The following PGLYRP1 variants were observed in gnomAD, a reference collection of about 807,000 sequenced individuals.
PGLYRP1 encodes the protein peptidoglycan recognition protein 1.
A neutral mutation model predicts 16.3 loss-of-function variants in PGLYRP1; 18 were observed. That is an observed-to-expected ratio of 1.11 (90% CI 0.77 to 1.64). The LOEUF is 1.64. Among genes scored for constraint, PGLYRP1 ranks in the 40% most tolerant of loss-of-function variants. The probability of loss-of-function intolerance (pLI) is 0.00; values close to 1 mark genes in which losing one functional copy is unlikely to be tolerated. For missense variants in PGLYRP1, 261 were observed against 268.6 expected, an observed-to-expected ratio of 0.97 and a Z score of 0.20; for synonymous variants, 89 against 105.7, an observed-to-expected ratio of 0.84 and a Z score of 0.97.
chr19:46,022,270 C>T (rs1290886186), intron 1 of PGLYRP1, among the ~76,000 whole-genome samples: 2 of 152,164 alleles, frequency 1.3e-5, no homozygotes, highest in Non-Finnish European at 1.5e-5. Flanking sequence ...GCAGATGGGC[C>T]GCGATTCCAT....
intron 1 of PGLYRP1, among the ~76,000 whole-genome samples, chr19:46,021,708 C>T (rs1274996748): frequency 6.6e-6 from 1 of 152,168 alleles, no homozygotes; most frequent in Non-Finnish European, 1.5e-5. Context: ...CCCTGCTCTG[C>T]GGGGGGAAGC....
At position 46,019,227 on chromosome 19, in the gene PGLYRP1, TCAG is replaced by T; in HGVS notation, c.*8_*10del. The T allele has an allele frequency of 1.2e-6, 2 of 1,612,764 alleles. No homozygotes were observed. Among genetic ancestry groups the T allele is most frequent in the Non-Finnish European group, 8.5e-7 (1 of 1,179,184 alleles). On this transcript the variant is annotated 3_prime_UTR_variant, in exon 3 of 3. Coordinates refer to ENST00000008938, the MANE Select transcript of PGLYRP1 (RefSeq NM_005091.3). This position sits in a 1 kb window ranked among gnomAD's most constrained non-coding sequence, Gnocchi z 4.8. ...TGGGAGGGGAGGAATGGGGTGCGGA[TCAG>T]CAGGGCCTCAGGGGGAGCGGTAGTG...
At chr19:46,022,002 C>T (rs1473291031) in intron 1 of PGLYRP1, among the ~76,000 whole-genome samples, 1 of 152,200 alleles carries the variant, frequency 6.6e-6, no homozygotes, top group East Asian at 1.9e-4. Flanking sequence ...GGTCTGGTCC[C>T]AGCCTGAGGT....
chr19:46,022,353 C>G (rs1969053515), intron 1 of PGLYRP1, among the ~76,000 whole-genome samples: 1 of 152,228 alleles, frequency 6.6e-6, no homozygotes, highest in Non-Finnish European at 1.5e-5. Context: ...GATGAGCTGA[C>G]CCTGGAACCC....
At chr19:46,022,615 G>T (rs1411342341) in intron 1 of PGLYRP1, 120 bp downstream of exon 1, 1 of 1,135,378 alleles carries the variant, frequency 8.8e-7, no homozygotes, top group Non-Finnish European at 1.3e-6. Context: ...TCAGTAAGCT[G>T]CTCAGGGTGT....
At chr19:46,021,995 C>T (rs1048167741) in intron 1 of PGLYRP1, among the ~76,000 whole-genome samples, 1 of 152,188 alleles carries the variant, frequency 6.6e-6, no homozygotes, top group African/African-American at 2.4e-5. Context: ...CTGTGTGGGT[C>T]TGGTCCCAGC....
chr19:46,019,859 C>A lies in PGLYRP1; in HGVS notation c.288-212G>T, dbSNP rs768666696. Among the ~76,000 whole-genome samples the A allele has an allele frequency of 6.6e-6, 1 of 152,194 alleles. No individual in the cohort carries two copies. ...GTGCCAAGCACAGCTCTGCATACAC[C>A]TTTTTCCATCCTCACAGCAACCCTG... is the stretch of plus-strand genomic sequence containing the variant. On this transcript the variant is annotated intron_variant, in intron 1 of 2. Transcript: ENST00000008938. The surrounding 1 kb of genome is among the most constrained non-coding windows in gnomAD (Gnocchi z 4.8).
chr19:46,023,003 G>C lies in PGLYRP1; in HGVS notation c.19C>G (p.Leu7Val). 1 of 1,565,146 alleles carries C rather than the reference G, an allele frequency of 6.4e-7. No homozygotes were observed. Among genetic ancestry groups the C allele is most frequent in the Non-Finnish European group, 8.7e-7 (1 of 1,154,722 alleles). Residue 7 changes from leucine to valine, a missense_variant, in exon 1 of 3, where the codon CTG becomes GTG. Transcript: ENST00000008938. MSRRSM[L>V]LAWALPSLLR... Reference sequence around the variant, plus strand: ...AGGCTGGGGAGAGCCCAGGCAAGCAGCATAGAGCGGCGGGACATAGTGGCA... The same window carrying C: ...AGGCTGGGGAGAGCCCAGGCAAGCACCATAGAGCGGCGGGACATAGTGGCA...
At position 46,022,760 on chromosome 19, in the gene PGLYRP1, G is replaced by GTGTC; in HGVS notation, c.258_261dup (p.Leu88AspfsTer115). On this transcript the variant is annotated frameshift_variant, in exon 1 of 3. Transcript: ENST00000008938. LOFTEE classifies it high-confidence loss of function. Reference sequence around the variant, plus strand: ...TTGTAGCCCACGTCGCACCAGCCCAGTGTCTTCATGTGGTAGTGCTGCACA... The same window carrying GTGTC: ...TTGTAGCCCACGTCGCACCAGCCCAGTGTCTGTCTTCATGTGGTAGTGCTGCACA... 11 of 1,614,228 alleles carry GTGTC rather than the reference G, an allele frequency of 6.8e-6. No homozygotes were observed. The highest frequency in any genetic ancestry group is 8.5e-6 in the Non-Finnish European group (10 of 1,180,032).
chr19:46,019,538 C>T lies in PGLYRP1; in HGVS notation c.397G>A (p.Gly133Ser), dbSNP rs554462229. The T allele has an allele frequency of 1.2e-6, 2 of 1,614,020 alleles. No individual in the cohort carries two copies. Among genetic ancestry groups the T allele is most frequent in the Non-Finnish European group, 1.7e-6 (2 of 1,179,954 alleles). ...GACAGTCACTCACCCATGTAGTTGCCCATGAAGCTGATGCCAATGGACATG... is the reference window on the plus strand; with the variant it reads ...GACAGTCACTCACCCATGTAGTTGCTCATGAAGCTGATGCCAATGGACATG... ...NPMSIGISFM[G>S]NYMDRVPTPQ... The change falls in exon 2 of 3, where the codon GGC (glycine) becomes AGC (serine). Residue 133 changes from glycine to serine, a missense_variant. Gly to Ser is a moderately conservative substitution (Grantham distance 56). Transcript: ENST00000008938. The surrounding 1 kb of genome is among the most constrained non-coding windows in gnomAD (Gnocchi z 4.8).
At position 46,019,184 on chromosome 19, in the gene PGLYRP1, C is replaced by A; in HGVS notation, c.*54G>T. 6.7e-7 allele frequency: 1 copy of A among 1,482,684 alleles called. No individual in the cohort carries two copies. Among genetic ancestry groups the A allele is most frequent in the Non-Finnish European group, 9.4e-7 (1 of 1,062,736 alleles). 91.8% of individuals were successfully genotyped at this position (1,482,684 alleles called of 1,614,324 possible). ...GCTACATCTTTATTGGAGAAGGAGACAGTGGGGTTTTTGGCCATGGGAGGG... is the reference window on the plus strand; with the variant it reads ...GCTACATCTTTATTGGAGAAGGAGAAAGTGGGGTTTTTGGCCATGGGAGGG... On this transcript the variant is annotated 3_prime_UTR_variant, in exon 3 of 3. Transcript: ENST00000008938. The surrounding 1 kb of genome is among the most constrained non-coding windows in gnomAD (Gnocchi z 4.8).
At chr19:46,022,665 G>T in intron 1 of PGLYRP1, 70 bp downstream of exon 1, 1 of 1,567,074 alleles carries the variant, frequency 6.4e-7, no homozygotes, top group East Asian at 2.3e-5. Context: ...AAATGGTCCC[G>T]CTGGCGGGCA....
At chr19:46,022,486 T>A (rs1170276851) in intron 1 of PGLYRP1, among the ~76,000 whole-genome samples, 2 of 152,220 alleles carry the variant, frequency 1.3e-5, no homozygotes, top group African/African-American at 4.8e-5. Flanking sequence ...TGCCCCTTCT[T>A]CCCGGGAGCG....
chr19:46,022,682 C>T, intron 1 of PGLYRP1, 53 bp downstream of exon 1: 1 of 1,602,708 alleles, frequency 6.2e-7, no homozygotes, highest in Non-Finnish European at 8.5e-7. Context: ...GGCACTTGCA[C>T]ACCTTTGCCT....
chr19:46,021,965 G>A (rs1969049104), intron 1 of PGLYRP1, among the ~76,000 whole-genome samples: 1 of 152,030 alleles, frequency 6.6e-6, no homozygotes, highest in South Asian at 2.1e-4. Context: ...GCTTTCCCTT[G>A]CCCCACCCTT....
intron 1 of PGLYRP1, among the ~76,000 whole-genome samples, chr19:46,021,882 C>T (rs1439494381): frequency 6.6e-6 from 1 of 152,174 alleles, no homozygotes; most frequent in Non-Finnish European, 1.5e-5. Context: ...GGCTTTGCCC[C>T]CAGCACCCCC....
intron 1 of PGLYRP1, among the ~76,000 whole-genome samples, chr19:46,020,400 G>A (rs1042306162): frequency 9.2e-5 from 14 of 152,128 alleles, no homozygotes; most frequent in Non-Finnish European, 1.8e-4. Flanking sequence ...ATGAGTCACC[G>A]TGCCCAGCCA....
In PGLYRP1 at chr19:46,019,503, C is replaced by T. The variant is rs1406967508; in HGVS notation, c.409+23G>A. 4 of 1,613,350 alleles carry T rather than the reference C, an allele frequency of 2.5e-6. No individual in the cohort carries two copies. Among genetic ancestry groups the T allele is most frequent in the East Asian group, 2.2e-5 (1 of 44,886 alleles). ...TAGGGCCCCGTGTCAGCCCCCATCC[C>T]AACTGGCTGGACAGTCACTCACCCA... On this transcript the variant is annotated intron_variant, in intron 2 of 2. Coordinates refer to ENST00000008938, the MANE Select transcript of PGLYRP1 (RefSeq NM_005091.3). This position sits in a 1 kb window ranked among gnomAD's most constrained non-coding sequence, Gnocchi z 4.8.
At chr19:46,022,095 C>CCT (rs1465598503) in intron 1 of PGLYRP1, among the ~76,000 whole-genome samples, 1 of 152,252 alleles carries the variant, frequency 6.6e-6, no homozygotes, top group Non-Finnish European at 1.5e-5. Flanking sequence ...TTTCTCCCTG[C>CCT]TGGTCTTTCA....
Sources: gnomAD v4.1 joint callset for allele counts (sites outside exome capture counted in the v4.1 genomes callset) on GRCh38, gnomAD v4.1.1 for gene constraint, Gnocchi (gnomAD v3.1) non-coding constraint, MANE v1.5 for transcripts, NCBI Gene and HGNC (gene_info 2026-07-23, HGNC 2026-07-21) for gene names.